The following GALNT13 variants were observed in gnomAD, a reference collection of about 807,000 sequenced individuals.
The protein encoded by GALNT13 is polypeptide N-acetylgalactosaminyltransferase 13, also known as UDP-GalNAc:polypeptide N-acetylgalactosaminyltransferase 13.
GALNT13 carries 28 observed loss-of-function variants against 64.2 expected under a neutral mutation model. The observed-to-expected ratio is 0.44, with a 90% CI of 0.32 to 0.60. GALNT13 has a LOEUF of 0.60. GALNT13 is among the 20% of genes least tolerant of loss of function. The pLI, the probability that GALNT13 is intolerant of heterozygous loss-of-function variation, is 0.05. For missense variants in GALNT13, 577 were observed against 669.8 expected (o/e 0.86, Z 1.53); for synonymous variants, 214 against 224.6 (o/e 0.95, Z 0.42).
the GALNT13 span, among the ~76,000 whole-genome samples, chr2:153,257,239 G>C: frequency 2.0e-5 from 3 of 151,966 alleles, no homozygotes; most frequent in African/African-American, 7.3e-5. Flanking sequence ...TCACCCCTTT[G>C]TTTGACTAGG....
At chr2:153,510,737 A>G in the GALNT13 span, among the ~76,000 whole-genome samples, 1 of 130,452 alleles carries the variant, frequency 7.7e-6, no homozygotes, top group Non-Finnish European at 1.5e-5. Context: ...ATGTGCAGCC[A>G]GAATTGAGAA....
At chr2:153,307,081 A>G in the GALNT13 span, among the ~76,000 whole-genome samples, 1 of 152,196 alleles carries the variant, frequency 6.6e-6, no homozygotes, top group Non-Finnish European at 1.5e-5. Flanking sequence ...CTTTTTTTCT[A>G]TATATCCATG....
At chr2:154,136,600 A>G (rs181168576) in intron 3 of GALNT13, among the ~76,000 whole-genome samples, 244 of 152,232 alleles carry the variant, frequency 1.6e-3, no homozygotes, top group African/African-American at 5.6e-3. Flanking sequence ...CTTCTTTAAC[A>G]CTGGGAATTC....
At chr2:153,825,943 A>G in the GALNT13 span, among the ~76,000 whole-genome samples, 1 of 152,072 alleles carries the variant, frequency 6.6e-6, no homozygotes, top group African/African-American at 2.4e-5. Context: ...TGTTTATCCT[A>G]GCTCCCTGGT....
intron 11 of GALNT13, among the ~76,000 whole-genome samples, chr2:154,419,215 AG>A (rs1700148946): frequency 6.6e-6 from 1 of 152,134 alleles, no homozygotes; most frequent in Admixed American, 6.6e-5. Context: ...GAAAACTTGG[AG>A]TTGATAAAAA....
intron 3 of GALNT13, among the ~76,000 whole-genome samples, chr2:153,985,305 T>C (rs764698429): frequency 2.0e-4 from 30 of 152,004 alleles, no homozygotes; most frequent in Non-Finnish European, 3.8e-4. Flanking sequence ...TAAATGTCCA[T>C]TTCTCCTGAA....
At chr2:153,296,884 C>T in the GALNT13 span, among the ~76,000 whole-genome samples, 1 of 152,140 alleles carries the variant, frequency 6.6e-6, no homozygotes, top group Non-Finnish European at 1.5e-5. Flanking sequence ...CTCCCTAAAT[C>T]ACAGGAGAAC....
the GALNT13 span, among the ~76,000 whole-genome samples, chr2:153,634,343 T>C: frequency 1.3e-5 from 2 of 152,058 alleles, no homozygotes; most frequent in African/African-American, 2.4e-5. Context: ...AGTAATAGAA[T>C]GTAGTACATG....
At chr2:153,976,491 A>G (rs1232135150) in intron 3 of GALNT13, among the ~76,000 whole-genome samples, 1 of 152,078 alleles carries the variant, frequency 6.6e-6, no homozygotes, top group Non-Finnish European at 1.5e-5. Flanking sequence ...TTTTCTTCCA[A>G]GCCAATTAGG....
the GALNT13 span, among the ~76,000 whole-genome samples, chr2:153,280,072 ATTTATT>A: frequency 6.6e-6 from 1 of 152,186 alleles, no homozygotes; most frequent in East Asian, 1.9e-4. Flanking sequence ...TAGGATTTGA[ATTTATT>A]CCTGATTCAG....
rs67288776 is a variant in GALNT13 at position 154,357,891 on chromosome 2, CAAAT to C, written c.1157-38096_1157-38093del. 3.3e-3 allele frequency among the ~76,000 whole-genome samples: 502 copies of C among 152,142 alleles called. 2 individuals carry two copies. The highest frequency in any genetic ancestry group is 6.8e-3 in the Middle Eastern group (2 of 294). ...TAGCCTACTAATTAAATGACTAAAT[CAAAT>C]AAAACTACACATTTTAAAATTTCTC... On this transcript the variant is annotated intron_variant, in intron 9 of 12. Coordinates refer to ENST00000392825, the MANE Select transcript of GALNT13 (RefSeq NM_052917.4).
intron 9 of GALNT13, among the ~76,000 whole-genome samples, chr2:154,342,955 T>C (rs1052275729): frequency 6.6e-6 from 1 of 152,008 alleles, no homozygotes; most frequent in Non-Finnish European, 1.5e-5. Flanking sequence ...TAGTACCATA[T>C]TTGAACATCT....
chr2:153,885,610 C>A (rs2105253032), intron 1 of GALNT13, among the ~76,000 whole-genome samples: 1 of 152,154 alleles, frequency 6.6e-6, no homozygotes, highest in East Asian at 1.9e-4. Flanking sequence ...AGAGGCAGTA[C>A]ATTTTATAGT....
At chr2:153,343,892 G>A in the GALNT13 span, among the ~76,000 whole-genome samples, 1 of 152,022 alleles carries the variant, frequency 6.6e-6, no homozygotes, top group East Asian at 1.9e-4. Flanking sequence ...TTAAACCTAG[G>A]ATTGTTAAAA....
chr2:153,473,406 CTT>C, the GALNT13 span, among the ~76,000 whole-genome samples: 1 of 152,004 alleles, frequency 6.6e-6, no homozygotes, highest in East Asian at 1.9e-4. Flanking sequence ...ACTTTCAAGT[CTT>C]TTAAACATTT....
At chr2:153,742,788 A>G in the GALNT13 span, among the ~76,000 whole-genome samples, 195 of 152,078 alleles carry the variant, frequency 1.3e-3, no homozygotes, top group Admixed American at 3.9e-3. Context: ...TTCATGGTAC[A>G]TATATACCAC....
the GALNT13 span, among the ~76,000 whole-genome samples, chr2:153,609,690 T>A: frequency 6.6e-6 from 1 of 152,160 alleles, no homozygotes; most frequent in Non-Finnish European, 1.5e-5. Flanking sequence ...GTGACAGAGA[T>A]ATAAAACATG....
At chr2:154,284,516 T>C (rs1692146445) in intron 8 of GALNT13, among the ~76,000 whole-genome samples, 1 of 107,838 alleles carries the variant, frequency 9.3e-6, no homozygotes, top group Admixed American at 8.9e-5. Flanking sequence ...TGTATACATA[T>C]AGCTACACAC....
At position 154,110,390 on chromosome 2, in the gene GALNT13, G is replaced by GAC. The variant is rs1371570691; in HGVS notation, c.143-29946_143-29945insCA. On this transcript the variant is annotated intron_variant, in intron 3 of 12. Coordinates refer to ENST00000392825, the MANE Select transcript of GALNT13 (RefSeq NM_052917.4). ...AGAGAGAGAGAGACAGAGAGAGAGA[G>GAC]AGAGAGAGAGACAGAGAGAGAGAGG... Among the ~76,000 whole-genome samples the GAC allele has an allele frequency of 8.8e-4, 120 of 136,348 alleles. 3 individuals carry two copies. Among genetic ancestry groups the GAC allele is most frequent in the African/African-American group, 3.0e-3 (111 of 36,474 alleles). The allele number at this position is 136,348 out of a possible 152,430, so 89.4% of individuals were successfully genotyped here.
Sources: allele counts gnomAD v4.1 joint callset (sites outside exome capture counted in the v4.1 genomes callset), GRCh38; gene constraint gnomAD v4.1.1; transcripts MANE v1.5; gene names NCBI Gene and HGNC (gene_info 2026-07-23, HGNC 2026-07-21).